LDB2: variants seen among roughly 807,000 people sequenced by gnomAD.
LDB2 encodes the protein LIM domain-binding protein 2.
Under a neutral mutation model 44.3 loss-of-function variants are expected in LDB2, and 12 were observed. That is an observed-to-expected ratio of 0.27 (90% confidence interval 0.17 to 0.44). The LOEUF is 0.44. Ranked by LOEUF, LDB2 falls within the 20% of genes least tolerant of loss-of-function variation. The pLI, the probability that LDB2 is intolerant of heterozygous loss-of-function variation, is 1.00. For missense variants in LDB2, 344 were observed against 473.5 expected (o/e 0.73, Z 2.54); for synonymous variants, 164 against 174.8 (o/e 0.94, Z 0.49).
At chr4:16,685,643 G>A (rs771479950) in intron 2 of LDB2, among the ~76,000 whole-genome samples, 4 of 152,122 alleles carry the variant, frequency 2.6e-5, no homozygotes, top group Admixed American at 6.6e-5. Flanking sequence ...TCCAAATAAC[G>A]TGATTTCATG....
intron 1 of LDB2, among the ~76,000 whole-genome samples, chr4:16,862,322 G>A (rs16894100): frequency 6.6e-6 from 1 of 151,328 alleles, no homozygotes; most frequent in Non-Finnish European, 1.5e-5. Context: ...GATGGAAGCC[G>A]TTCTAATCTT....
At chr4:16,737,700 GA>G (rs1170729266) in intron 2 of LDB2, among the ~76,000 whole-genome samples, 1 of 152,160 alleles carries the variant, frequency 6.6e-6, no homozygotes, top group Non-Finnish European at 1.5e-5. Flanking sequence ...AGTGCATACA[GA>G]ATGTTTCTGA....
chr4:16,695,724 A>G (rs1751976209), intron 2 of LDB2, among the ~76,000 whole-genome samples: 1 of 152,180 alleles, frequency 6.6e-6, no homozygotes, highest in Admixed American at 6.5e-5. Flanking sequence ...GACACAACAC[A>G]TCCATGAATG....
At chr4:16,558,680 C>T (rs1447323399) in intron 5 of LDB2, among the ~76,000 whole-genome samples, 13 of 152,092 alleles carry the variant, frequency 8.5e-5, no homozygotes, top group Non-Finnish European at 1.8e-4. Flanking sequence ...GCAAGGCAGG[C>T]CAACATTCAG....
intron 5 of LDB2, among the ~76,000 whole-genome samples, chr4:16,567,387 CGT>C (rs949119338): frequency 4.2e-3 from 62 of 14,932 alleles, no homozygotes; most frequent in African/African-American, 6.6e-3. Context: ...TGTGTGTGCG[CGT>C]GTGTGCATGC....
chr4:16,512,464 A>AC (rs539743281), intron 5 of LDB2, among the ~76,000 whole-genome samples: 34 of 152,078 alleles, frequency 2.2e-4, no homozygotes, highest in South Asian at 4.1e-4. Context: ...ACAAAACAAA[A>AC]ACAAACAAAC....
At chr4:16,777,069 A>G (rs1369376761) in intron 1 of LDB2, among the ~76,000 whole-genome samples, 1 of 152,214 alleles carries the variant, frequency 6.6e-6, no homozygotes, top group Non-Finnish European at 1.5e-5. Context: ...AGCACCACTC[A>G]TTTAGAATAA....
At chr4:16,739,669 T>TAC (rs1173828361) in intron 2 of LDB2, among the ~76,000 whole-genome samples, 1 of 76,094 alleles carries the variant, frequency 1.3e-5, no homozygotes, top group Non-Finnish European at 2.5e-5. Flanking sequence ...TATGTATATA[T>TAC]ACATATGTGT....
At chr4:16,637,922 T>C (rs1734052060) in intron 2 of LDB2, among the ~76,000 whole-genome samples, 1 of 152,158 alleles carries the variant, frequency 6.6e-6, no homozygotes, top group Admixed American at 6.5e-5. Flanking sequence ...GGTGCCAGGC[T>C]CCACATCCTG....
chr4:16,589,939 G>A (rs34337995), intron 3 of LDB2, among the ~76,000 whole-genome samples: 15,793 of 152,126 alleles, frequency 0.1, 804 homozygotes, highest in South Asian at 0.13. Flanking sequence ...AATATCCTTG[G>A]GTAAGAATGT....
At chr4:16,600,421 A>G (rs1340435953) in intron 2 of LDB2, among the ~76,000 whole-genome samples, 1 of 152,162 alleles carries the variant, frequency 6.6e-6, no homozygotes, top group Non-Finnish European at 1.5e-5. Context: ...AAAGGTCCAA[A>G]AGTTGGGAAG....
At chr4:16,835,568 TG>T (rs1363392642) in intron 1 of LDB2, among the ~76,000 whole-genome samples, 1 of 152,240 alleles carries the variant, frequency 6.6e-6, no homozygotes, top group East Asian at 1.9e-4. Context: ...TAAATATTTT[TG>T]TATAAGTGTC....
intron 1 of LDB2, among the ~76,000 whole-genome samples, chr4:16,819,460 G>GAA (rs369605183): frequency 0.31 from 28,590 of 92,996 alleles, 4,859 homozygotes; most frequent in South Asian, 0.44. Context: ...CTGCACTCAG[G>GAA]AAAAAAAAAA....
intron 2 of LDB2, among the ~76,000 whole-genome samples, chr4:16,620,467 C>CATGTTTGTCTTAGCTTGTTGTTGGT (rs1728572453): frequency 6.6e-6 from 1 of 152,170 alleles, no homozygotes; most frequent in Non-Finnish European, 1.5e-5. Flanking sequence ...TAAGGATCAT[C>CATGTTTGTCTTAGCTTGTTGTTGGT]TTCCAAATCA....
chr4:16,752,256 C>T (rs1434403245), intron 2 of LDB2, among the ~76,000 whole-genome samples: 2 of 152,180 alleles, frequency 1.3e-5, no homozygotes, highest in South Asian at 4.1e-4. Flanking sequence ...AGAGCCCACT[C>T]TTTACATATA....
chr4:16,552,514 AG>A (rs1424178780), intron 5 of LDB2, among the ~76,000 whole-genome samples: 2 of 152,156 alleles, frequency 1.3e-5, no homozygotes, highest in African/African-American at 2.4e-5. Context: ...AGGCTACCAT[AG>A]GACTGAACAC....
intron 2 of LDB2, among the ~76,000 whole-genome samples, chr4:16,644,167 G>A (rs1280909267): frequency 6.6e-6 from 1 of 152,204 alleles, no homozygotes; most frequent in Non-Finnish European, 1.5e-5. Flanking sequence ...TACCTTGGAA[G>A]AGTGGGAGAG....
At chr4:16,792,291 T>C (rs1775928637) in intron 1 of LDB2, among the ~76,000 whole-genome samples, 1 of 152,228 alleles carries the variant, frequency 6.6e-6, no homozygotes, top group Non-Finnish European at 1.5e-5. Context: ...AATACTTATA[T>C]TCTTACTGTG....
intron 5 of LDB2, among the ~76,000 whole-genome samples, chr4:16,520,940 C>T (rs1725851775): frequency 6.6e-6 from 1 of 152,166 alleles, no homozygotes; most frequent in Non-Finnish European, 1.5e-5. Flanking sequence ...ATCTTCCTGC[C>T]TGGGCACCCC....
Sources: allele counts gnomAD v4.1 joint callset (sites outside exome capture counted in the v4.1 genomes callset), GRCh38; gene constraint gnomAD v4.1.1; transcripts MANE v1.5; gene names NCBI Gene and HGNC (gene_info 2026-07-23, HGNC 2026-07-21).